Variants in SUFU observed in about 807,000 individuals in gnomAD.
The protein encoded by SUFU is SUFU negative regulator of hedgehog signaling.
In SUFU, 7 loss-of-function variants were observed where a neutral mutation model predicts 58.9. That is an observed-to-expected ratio of 0.12 (90% CI 0.07 to 0.22). SUFU has a LOEUF of 0.22. Ranked by LOEUF, SUFU falls within the 10% of genes least tolerant of loss-of-function variation. SUFU has a pLI of 1.00. For missense variants in SUFU, 451 were observed against 641.3 expected (o/e 0.70, Z 3.20); for synonymous variants, 232 against 254.8 (o/e 0.91, Z 0.85).
At chr10:102,557,672 G>A (rs2062995491) in intron 3 of SUFU, among the ~76,000 whole-genome samples, 1 of 152,120 alleles carries the variant, frequency 6.6e-6, no homozygotes, top group Admixed American at 6.5e-5. Flanking sequence ...TCAGGTGACT[G>A]GGACAACAAG....
At chr10:102,581,688 GC>G (rs1201383220) in intron 3 of SUFU, among the ~76,000 whole-genome samples, 1 of 152,170 alleles carries the variant, frequency 6.6e-6, no homozygotes, top group Non-Finnish European at 1.5e-5. Flanking sequence ...TGGGGCATAG[GC>G]TAACTGAACC....
At chr10:102,516,097 ATTTCTT>A (rs962250055) in intron 2 of SUFU, among the ~76,000 whole-genome samples, 9 of 139,088 alleles carry the variant, frequency 6.5e-5, no homozygotes. Context: ...GTTGAGGAGA[ATTTCTT>A]TTCTTTTTCT....
At chr10:102,571,114 A>C (rs1278123044) in intron 3 of SUFU, among the ~76,000 whole-genome samples, 7 of 152,222 alleles carry the variant, frequency 4.6e-5, no homozygotes, top group Admixed American at 2.0e-4. Context: ...GTATCAGAGA[A>C]TAAAGCTAAG....
chr10:102,566,134 G>T (rs1237585184), intron 3 of SUFU, among the ~76,000 whole-genome samples: 1 of 152,168 alleles, frequency 6.6e-6, no homozygotes, highest in African/African-American at 2.4e-5. Flanking sequence ...AGCGAAGAGG[G>T]CTGGAAAAGA....
At position 102,597,241 on chromosome 10, in the gene SUFU, G is replaced by C. The variant is rs1007675139; in HGVS notation, c.858G>C (p.Glu286Asp). 6.2e-7 allele frequency: 1 copy of C among 1,614,042 alleles called. No homozygotes were observed. The highest frequency in any genetic ancestry group is 8.5e-7 in the Non-Finnish European group (1 of 1,180,012). The part of the protein sequence containing the change: ...DDLSRPPEDD[E>D]DSRSICIGTQ... Reference sequence around the variant, plus strand: ...TGAGCCGGCCCCCCGAGGATGACGAGGACAGCCGGAGCATCTGCATCGGCA... The same window carrying C: ...TGAGCCGGCCCCCCGAGGATGACGACGACAGCCGGAGCATCTGCATCGGCA... The change falls in exon 7 of 12, where the codon GAG (glutamate) becomes GAC (aspartate). Residue 286 changes from glutamate to aspartate, a missense_variant. Transcript: ENST00000369902.
chr10:102,630,305 A>G lies in SUFU; in HGVS notation c.*150A>G. ...CCACCCCGCAGCCCAGTGGGGTGCC[A>G]TGCACAGGCCACAGGCCCTCCACCT... On this transcript the variant is annotated 3_prime_UTR_variant, in exon 12 of 12. Coordinates refer to ENST00000369902, the MANE Select transcript of SUFU (RefSeq NM_016169.4). 2 of 733,530 alleles carry G rather than the reference A, an allele frequency of 2.7e-6. No individual in the cohort carries two copies. The highest frequency in any genetic ancestry group is 2.7e-5 in the East Asian group (1 of 37,174). The allele number at this position is 733,530 out of a possible 1,614,324, so 45.4% of individuals were successfully genotyped here. A position where few individuals can be genotyped will look rare whatever the true frequency, so the allele number is the denominator to read the frequency against.
chr10:102,535,907 G>C lies in SUFU; in HGVS notation c.318-14063G>C, dbSNP rs1440993493. On this transcript the variant is annotated intron_variant, in intron 2 of 11. Transcript: ENST00000369902. ...GTGACCAAGATACAACCCTGCCCTTGTGGGGTTTATAGTCTAGGCTGGAGA... is the reference window on the plus strand; with the variant it reads ...GTGACCAAGATACAACCCTGCCCTTCTGGGGTTTATAGTCTAGGCTGGAGA... Among the ~76,000 whole-genome samples the C allele has an allele frequency of 2.6e-5, 4 of 151,402 alleles. 1 individual carries two copies. The highest frequency in any genetic ancestry group is 9.7e-5 in the African/African-American group (4 of 41,164).
chr10:102,542,139 G>GTT (rs112625444), intron 2 of SUFU, among the ~76,000 whole-genome samples: 22 of 137,810 alleles, frequency 1.6e-4, no homozygotes, highest in East Asian at 6.5e-4. Flanking sequence ...CCACCTTGGC[G>GTT]TTTTTTTTTT....
At chr10:102,603,128 T>G (rs1481066431) in intron 8 of SUFU, among the ~76,000 whole-genome samples, 1 of 152,152 alleles carries the variant, frequency 6.6e-6, no homozygotes, top group Non-Finnish European at 1.5e-5. Flanking sequence ...AAGATACGTG[T>G]GGTCAGGTGA....
chr10:102,562,797 A>G (rs1007772863), intron 3 of SUFU, among the ~76,000 whole-genome samples: 6 of 152,112 alleles, frequency 3.9e-5, no homozygotes, highest in Non-Finnish European at 5.9e-5. Flanking sequence ...AGGCTGAGGC[A>G]TGAGAATTGC....
In SUFU at chr10:102,594,015, A is replaced by G. The variant is rs749799131; in HGVS notation, c.706A>G (p.Thr236Ala). Residue 236 changes from threonine (T) to alanine (A), a missense_variant, in exon 6 of 12, where the codon ACT (threonine) becomes GCT (alanine). By Grantham distance (58) the Thr-to-Ala change is moderately conservative (BLOSUM62 0). Transcript: ENST00000369902. ...VPIAGGPWLITDMRRGETIFE... is the reference protein window; with the variant it reads ...VPIAGGPWLIADMRRGETIFE... ...CAGTGCTGGCGGCCCCTGGCTGATAACTGACATGCGGAGGGGAGAGACCAT... is the reference window on the plus strand; with the variant it reads ...CAGTGCTGGCGGCCCCTGGCTGATAGCTGACATGCGGAGGGGAGAGACCAT... 2 of 1,614,182 alleles carry G rather than the reference A, an allele frequency of 1.2e-6. No individual in the cohort carries two copies. Among genetic ancestry groups the G allele is most frequent in the Non-Finnish European group, 1.7e-6 (2 of 1,180,016 alleles).
intron 2 of SUFU, among the ~76,000 whole-genome samples, chr10:102,544,034 G>C (rs554749481): frequency 1.7e-4 from 26 of 152,298 alleles, no homozygotes; most frequent in African/African-American, 6.3e-4. Flanking sequence ...AGGAGGTCAT[G>C]GCTGTGATGA....
intron 2 of SUFU, among the ~76,000 whole-genome samples, chr10:102,540,867 C>G (rs963846919): frequency 6.6e-6 from 1 of 151,582 alleles, no homozygotes; most frequent in Non-Finnish European, 1.5e-5. Context: ...ACTAAAAATA[C>G]AAAAATTAGC....
At chr10:102,520,162 A>G (rs1261861781) in intron 2 of SUFU, among the ~76,000 whole-genome samples, 1 of 150,700 alleles carries the variant, frequency 6.6e-6, no homozygotes, top group African/African-American at 2.4e-5. Context: ...CCTTAAGTCC[A>G]TAGTTTACCT....
intron 3 of SUFU, chr10:102,590,908 T>C (rs1232287703): frequency 6.6e-6 from 1 of 152,232 alleles, no homozygotes; most frequent in Admixed American, 6.5e-5. Context: ...GGGTTTCTAG[T>C]TGGCTCTACC....
intron 7 of SUFU, 37 bp from the exon 8 acceptor site, chr10:102,599,396 C>A (rs2063494479): frequency 2.6e-6 from 4 of 1,513,554 alleles, no homozygotes; most frequent in African/African-American, 1.4e-5. Context: ...GCTGGGAGCC[C>A]ACTGGGCCAC....
chr10:102,539,676 T>C (rs570683742), intron 2 of SUFU, among the ~76,000 whole-genome samples: 15 of 152,352 alleles, frequency 9.8e-5, no homozygotes, highest in Admixed American at 2.0e-4. Flanking sequence ...TTCATTGATA[T>C]TGAGATTTTA....
chr10:102,529,952 AAAAAG>A (rs1390520142), intron 2 of SUFU, among the ~76,000 whole-genome samples: 3 of 151,860 alleles, frequency 2.0e-5, no homozygotes, highest in Non-Finnish European at 4.4e-5. Context: ...TCAAAAAAAA[AAAAAG>A]AAAAGAAAAA....
rs1328921388 is a variant in SUFU, at chr10:102,619,146, A to G, written c.1296+1718A>G. The G allele has an allele frequency of 3.7e-5, 59 of 1,612,022 alleles. No homozygotes were observed. The highest frequency in any genetic ancestry group is 4.9e-5 in the Non-Finnish European group (58 of 1,179,780). On this transcript the variant is annotated intron_variant, in intron 10 of 11. Coordinates refer to ENST00000369902, the MANE Select transcript of SUFU (RefSeq NM_016169.4). The surrounding 1 kb of genome is among the most constrained non-coding windows in gnomAD (Gnocchi z 4.2). ...GAGGAGAGGGTAGTCAGCATCTCCAATTTTCAGCAGCTCAAGAACCTTGGC... is the reference window on the plus strand; with the variant it reads ...GAGGAGAGGGTAGTCAGCATCTCCAGTTTTCAGCAGCTCAAGAACCTTGGC...
Sources: gnomAD v4.1 joint callset for allele counts (sites outside exome capture counted in the v4.1 genomes callset) on GRCh38, gnomAD v4.1.1 for gene constraint, Gnocchi (gnomAD v3.1) non-coding constraint, MANE v1.5 for transcripts, NCBI Gene and HGNC (gene_info 2026-07-23, HGNC 2026-07-21) for gene names.